Variants in GRM8 observed in about 807,000 individuals in gnomAD.
GRM8 encodes metabotropic glutamate receptor 8.
In GRM8, 47 loss-of-function variants were observed where a neutral mutation model predicts 87.2. The observed-to-expected ratio is 0.54, with a 90% confidence interval of 0.43 to 0.69. The LOEUF is 0.69. GRM8 is among the 30% of genes least tolerant of loss of function. GRM8 has a pLI of 0.00. For synonymous variants in GRM8, 396 were observed against 404.5 expected (o/e 0.98, Z 0.25); for missense variants, 1,019 against 1,139.2 (o/e 0.89, Z 1.52).
rs575586632 is a variant in GRM8, at chr7:127,226,409, C to T, written c.510+16286G>A. 2.5e-3 allele frequency among the ~76,000 whole-genome samples: 381 copies of T among 152,252 alleles called. 2 individuals are homozygous for T. Among genetic ancestry groups the T allele is most frequent in the African/African-American group, 8.6e-3 (356 of 41,548 alleles). On this transcript the variant is annotated intron_variant, in intron 2 of 10. Coordinates refer to ENST00000339582, the MANE Select transcript of GRM8 (RefSeq NM_000845.3). Reference sequence around the variant, plus strand: ...CCAGGAAATCTACTTTTTATGTTTGCCCTGTCTTTAGCCAACTCTAATAGA... The same window carrying T: ...CCAGGAAATCTACTTTTTATGTTTGTCCTGTCTTTAGCCAACTCTAATAGA...
At chr7:127,120,833 CT>C (rs1219963853) in intron 2 of GRM8, among the ~76,000 whole-genome samples, 4 of 152,154 alleles carry the variant, frequency 2.6e-5, no homozygotes, top group Admixed American at 2.6e-4. Context: ...CAAAAATATT[CT>C]GCATCCAAAT....
intron 7 of GRM8, among the ~76,000 whole-genome samples, chr7:126,733,702 C>G (rs1293389838): frequency 1.3e-5 from 2 of 151,910 alleles, no homozygotes; most frequent in Non-Finnish European, 2.9e-5. Context: ...GGTGACAAGG[C>G]ATTTGACAAA....
intron 7 of GRM8, among the ~76,000 whole-genome samples, chr7:126,640,742 C>T (rs1030579206): frequency 6.6e-6 from 1 of 152,074 alleles, no homozygotes; most frequent in African/African-American, 2.4e-5. Context: ...CCTTCCCCCC[C>T]TCCTACCCAA....
At chr7:126,813,578 T>C (rs550431059) in intron 6 of GRM8, among the ~76,000 whole-genome samples, 1 of 152,192 alleles carries the variant, frequency 6.6e-6, no homozygotes, top group Non-Finnish European at 1.5e-5. Context: ...GGAAGATTTA[T>C]GGACTGATGA....
chr7:126,866,236 T>C (rs1203076544), intron 6 of GRM8, among the ~76,000 whole-genome samples: 32 of 152,210 alleles, frequency 2.1e-4, no homozygotes, highest in Admixed American at 2.1e-3. Context: ...TTTGGAGAAA[T>C]GTCTGTTCAA....
chr7:126,492,450 T>G (rs1808134255), intron 9 of GRM8, among the ~76,000 whole-genome samples: 1 of 152,056 alleles, frequency 6.6e-6, no homozygotes, highest in Non-Finnish European at 1.5e-5. Context: ...TTATTCACAC[T>G]ATATACATGA....
intron 2 of GRM8, among the ~76,000 whole-genome samples, chr7:127,226,164 T>A (rs1797308156): frequency 6.6e-6 from 1 of 152,206 alleles, no homozygotes; most frequent in South Asian, 2.1e-4. Flanking sequence ...TCTTTTCAAA[T>A]TAGCACAATC....
intron 7 of GRM8, among the ~76,000 whole-genome samples, chr7:126,679,857 C>A (rs1807355517): frequency 6.6e-6 from 1 of 151,938 alleles, no homozygotes; most frequent in Non-Finnish European, 1.5e-5. Context: ...TGGCAAAACC[C>A]CATCTCTACT....
intron 9 of GRM8, among the ~76,000 whole-genome samples, chr7:126,477,575 GAAAGAGAGAAAGAA>G (rs1395733715): frequency 0.017 from 1,489 of 89,522 alleles, 15 homozygotes; most frequent in African/African-American, 0.022. Context: ...AAGAAAGAAA[GAAAGAGAGAAAGAA>G]AGAAAGAAAG....
intron 6 of GRM8, among the ~76,000 whole-genome samples, chr7:126,806,466 G>A (rs754784778): frequency 2.0e-5 from 3 of 152,226 alleles, no homozygotes; most frequent in Non-Finnish European, 2.9e-5. Flanking sequence ...GGCTGCTTGC[G>A]CAGCTGGCCT....
At chr7:126,727,240 G>C (rs1380553758) in intron 7 of GRM8, among the ~76,000 whole-genome samples, 1 of 151,714 alleles carries the variant, frequency 6.6e-6, no homozygotes, top group Non-Finnish European at 1.5e-5. Flanking sequence ...TAATTCTGTG[G>C]GTTGGGTATG....
chr7:126,860,517 T>G (rs1798054641), intron 6 of GRM8, among the ~76,000 whole-genome samples: 1 of 152,156 alleles, frequency 6.6e-6, no homozygotes, highest in South Asian at 2.1e-4. Context: ...ATAGATATAT[T>G]TGTGAAATTA....
intron 7 of GRM8, among the ~76,000 whole-genome samples, chr7:126,623,476 CCT>C (rs1229894268): frequency 1.1e-4 from 16 of 152,016 alleles, no homozygotes; most frequent in Non-Finnish European, 2.1e-4. Context: ...TCAGATTAGC[CCT>C]GTTTCAACTG....
intron 7 of GRM8, among the ~76,000 whole-genome samples, chr7:126,641,412 T>C (rs537907887): frequency 2.6e-5 from 4 of 152,298 alleles, no homozygotes; most frequent in African/African-American, 9.6e-5. Flanking sequence ...GAAGCTTACC[T>C]TTATTTGGTA....
At chr7:126,735,786 G>C (rs1311302522) in intron 7 of GRM8, among the ~76,000 whole-genome samples, 2 of 152,050 alleles carry the variant, frequency 1.3e-5, no homozygotes, top group African/African-American at 4.8e-5. Flanking sequence ...CAAGAACAAA[G>C]AGAGACACAG....
chr7:126,512,302 T>G (rs1158056341), intron 9 of GRM8: 1 of 152,174 alleles, frequency 6.6e-6, no homozygotes, highest in African/African-American at 2.4e-5. Context: ...GGCTACTTTG[T>G]GCAGATTCCC....
chr7:127,013,051 G>A (rs1444493184), intron 3 of GRM8, among the ~76,000 whole-genome samples: 1 of 152,116 alleles, frequency 6.6e-6, no homozygotes, highest in Admixed American at 6.6e-5. Context: ...CTTATTTCTA[G>A]ACTTTCTGTT....
chr7:126,828,177 T>A (rs901100180), intron 6 of GRM8, among the ~76,000 whole-genome samples: 1 of 152,144 alleles, frequency 6.6e-6, no homozygotes, highest in African/African-American at 2.4e-5. Context: ...AATTCTCTTT[T>A]TTGGTTGTGT....
At chr7:126,592,708 G>A (rs1224822844) in intron 8 of GRM8, among the ~76,000 whole-genome samples, 2 of 151,722 alleles carry the variant, frequency 1.3e-5, no homozygotes, top group Admixed American at 6.6e-5. Flanking sequence ...AAACTCACTG[G>A]GGAAAAGTTG....
Sources: allele counts gnomAD v4.1 joint callset (sites outside exome capture counted in the v4.1 genomes callset), GRCh38; gene constraint gnomAD v4.1.1; transcripts MANE v1.5; gene names NCBI Gene and HGNC (gene_info 2026-07-23, HGNC 2026-07-21).